Variants in ARHGAP35 observed in about 807,000 individuals in gnomAD.
ARHGAP35 encodes the protein Rho GTPase activating protein 35.
Under a neutral mutation model 111.1 loss-of-function variants are expected in ARHGAP35, and 15 were observed. That is an observed-to-expected ratio of 0.13 (90% CI 0.09 to 0.21). The LOEUF (loss-of-function observed/expected upper bound fraction) is 0.21. Ranked by LOEUF, ARHGAP35 falls within the 10% of genes least tolerant of loss-of-function variation. The probability of loss-of-function intolerance (pLI) is 1.00; values close to 1 mark genes in which losing one functional copy is unlikely to be tolerated. For missense variants in ARHGAP35, 1,262 were observed against 1,873.0 expected (o/e 0.67, Z 6.02); for synonymous variants, 643 against 710.3 (o/e 0.91, Z 1.51).
chr19:46,868,831 A>G (rs2055872094), intron 1 of ARHGAP35, among the ~76,000 whole-genome samples: 1 of 152,144 alleles, frequency 6.6e-6, no homozygotes, highest in Non-Finnish European at 1.5e-5. Context: ...ATAAAAATTA[A>G]AAGAAACATA....
intron 5 of ARHGAP35, among the ~76,000 whole-genome samples, chr19:46,991,090 C>G (rs2056677006): frequency 6.6e-6 from 1 of 152,172 alleles, no homozygotes; most frequent in South Asian, 2.1e-4. Context: ...TGGGTGGGGA[C>G]AGTTGCAGGC....
intron 2 of ARHGAP35, among the ~76,000 whole-genome samples, chr19:46,932,110 C>T (rs546673827): frequency 2.6e-5 from 4 of 152,216 alleles, no homozygotes; most frequent in East Asian, 1.9e-4. Flanking sequence ...GGTGAAATCC[C>T]GTCTTTACTA....
In ARHGAP35 at chr19:46,929,589, C is replaced by T. The variant is rs1375528220; in HGVS notation, c.3681+7233C>T. Among the ~76,000 whole-genome samples the T allele has an allele frequency of 2.3e-5, 3 of 130,658 alleles. No individual in the cohort carries two copies. The East Asian group carries it at 7.0e-4, about 31-fold the overall frequency. The allele number at this position is 130,658 out of a possible 152,430, so 85.7% of individuals were successfully genotyped here. On this transcript the variant is annotated intron_variant, in intron 2 of 6. Coordinates refer to ENST00000672722, the MANE Select transcript of ARHGAP35 (RefSeq NM_004491.5). The stretch of plus-strand genomic sequence containing the variant: ...ATTCCGTATATGGTGTTACCTGTTA[C>T]TCTTTTTTTTTTTTTTTTTTTTTTT...
intron 1 of ARHGAP35, among the ~76,000 whole-genome samples, chr19:46,880,235 C>T (rs1405852129): frequency 6.6e-6 from 1 of 152,020 alleles, no homozygotes; most frequent in African/African-American, 2.4e-5. Context: ...GAGTTCGACA[C>T]CAGCCTGGCC....
intron 1 of ARHGAP35, among the ~76,000 whole-genome samples, chr19:46,869,811 G>A (rs767247326): frequency 3.3e-5 from 5 of 152,052 alleles, no homozygotes; most frequent in Non-Finnish European, 7.4e-5. Context: ...TGGGAATAGC[G>A]TACCTAAATG....
At chr19:46,905,053 C>T (rs1046477239) in intron 1 of ARHGAP35, among the ~76,000 whole-genome samples, 2 of 152,142 alleles carry the variant, frequency 1.3e-5, no homozygotes, top group African/African-American at 4.8e-5. Flanking sequence ...AGTTACTAAT[C>T]TGGATAGGCT....
intron 1 of ARHGAP35, among the ~76,000 whole-genome samples, chr19:46,870,708 G>C (rs1184675836): frequency 6.6e-6 from 1 of 152,180 alleles, no homozygotes; most frequent in Non-Finnish European, 1.5e-5. Context: ...CTGTTGGCAT[G>C]TACCTAGTAG....
At chr19:46,864,560 A>T (rs1033601564) in intron 1 of ARHGAP35, among the ~76,000 whole-genome samples, 1 of 152,254 alleles carries the variant, frequency 6.6e-6, no homozygotes, top group Non-Finnish European at 1.5e-5. Flanking sequence ...TTGAAATAAA[A>T]ACATTCACTG....
chr19:46,876,391 T>A (rs2055921457), intron 1 of ARHGAP35, among the ~76,000 whole-genome samples: 1 of 151,608 alleles, frequency 6.6e-6, no homozygotes, highest in South Asian at 2.1e-4. Flanking sequence ...TTTTTTCTTT[T>A]AAGATGGAGT....
At chr19:46,924,298 C>T (rs1049885383) in intron 2 of ARHGAP35, among the ~76,000 whole-genome samples, 1 of 152,212 alleles carries the variant, frequency 6.6e-6, no homozygotes. Context: ...GCCCTGCGGG[C>T]CCCGAGAGAT....
rs370831919 is a variant in ARHGAP35 at position 46,999,213 on chromosome 19, G to A, written c.4037-91G>A. ...TAGTGTCATCCAAAAGCCCTGGGCT[G>A]TCCTCAGAGAAGGCCCATCACAGAG... is the stretch of plus-strand genomic sequence containing the variant. On this transcript the variant is annotated intron_variant, in intron 5 of 6. Coordinates refer to ENST00000672722, the MANE Select transcript of ARHGAP35 (RefSeq NM_004491.5). The surrounding 1 kb of genome is among the most constrained non-coding windows in gnomAD (Gnocchi z 5.4). The A allele has an allele frequency of 6.1e-6, 5 of 821,252 alleles. No homozygotes were observed. The East Asian group carries it at 8.0e-5, about 13-fold the overall frequency. 50.9% of individuals were successfully genotyped at this position (821,252 alleles called of 1,614,324 possible).
intron 3 of ARHGAP35, among the ~76,000 whole-genome samples, chr19:46,957,570 G>A (rs1448445931): frequency 1.3e-5 from 2 of 152,170 alleles, no homozygotes; most frequent in African/African-American, 4.8e-5. Flanking sequence ...CTGCGATCAC[G>A]CTACTGCATT....
chr19:46,982,132 A>G (rs2056624128), intron 3 of ARHGAP35, among the ~76,000 whole-genome samples: 1 of 151,222 alleles, frequency 6.6e-6, no homozygotes, highest in African/African-American at 2.4e-5. Flanking sequence ...ATAGGCGGGA[A>G]CCATCACGCC....
At chr19:46,974,526 G>A (rs2056569252) in intron 3 of ARHGAP35, among the ~76,000 whole-genome samples, 1 of 152,206 alleles carries the variant, frequency 6.6e-6, no homozygotes, top group Admixed American at 6.6e-5. Context: ...GCAAGGGACA[G>A]GATGTATGCA....
intron 3 of ARHGAP35, among the ~76,000 whole-genome samples, chr19:46,959,419 C>T (rs2056463705): frequency 6.7e-6 from 1 of 150,342 alleles, no homozygotes; most frequent in South Asian, 2.1e-4. Context: ...TTTTTTGAGA[C>T]AAGAGTTTCA....
chr19:46,970,880 A>T (rs931844666), intron 3 of ARHGAP35, among the ~76,000 whole-genome samples: 2 of 152,178 alleles, frequency 1.3e-5, no homozygotes, highest in Admixed American at 1.3e-4. Flanking sequence ...TCTCCGTGAC[A>T]GGAGACTGCA....
At chr19:46,896,557 T>G (rs1406229290) in intron 1 of ARHGAP35, among the ~76,000 whole-genome samples, 1 of 152,228 alleles carries the variant, frequency 6.6e-6, no homozygotes, top group Non-Finnish European at 1.5e-5. Context: ...CAGTTGTAGC[T>G]TCTGTTTTCT....
At chr19:46,909,659 C>T (rs146786393) in intron 1 of ARHGAP35, among the ~76,000 whole-genome samples, 151 of 152,260 alleles carry the variant, frequency 9.9e-4, no homozygotes, top group African/African-American at 3.4e-3. Flanking sequence ...GTGTATGTAG[C>T]CTATACTAGT....
intron 5 of ARHGAP35, among the ~76,000 whole-genome samples, chr19:46,998,471 A>T (rs2056727836): frequency 1.3e-5 from 2 of 152,142 alleles, no homozygotes; most frequent in Non-Finnish European, 2.9e-5. Flanking sequence ...ACCAGCCCCG[A>T]TGCCCTTCCC....
Sources: gnomAD v4.1 joint callset for allele counts (sites outside exome capture counted in the v4.1 genomes callset) on GRCh38, gnomAD v4.1.1 for gene constraint, Gnocchi (gnomAD v3.1) non-coding constraint, MANE v1.5 for transcripts, NCBI Gene and HGNC (gene_info 2026-07-23, HGNC 2026-07-21) for gene names.